WWC2: variants seen among roughly 807,000 people sequenced by gnomAD.
The protein encoded by WWC2 is protein WWC2.
WWC2 carries 101 observed loss-of-function variants against 138.5 expected under a neutral mutation model. The observed-to-expected ratio is 0.73, with a 90% CI of 0.62 to 0.86. The LOEUF (loss-of-function observed/expected upper bound fraction) is 0.86. WWC2 is among the 40% of genes least tolerant of loss of function. The pLI is 0.00. For synonymous variants in WWC2, 558 were observed against 538.4 expected (o/e 1.04, Z -0.50); for missense variants, 1,420 against 1,419.4 (o/e 1.00, Z -0.01).
In WWC2 at chr4:183,116,573, C is replaced by T. The variant is rs1033455529; in HGVS notation, c.131+16951C>T. Reference sequence around the variant, plus strand: ...AACAAGATACTGCCTTCGATTCCTGCTAGGAAAGGCCTTTGGCCGCCTCCC... The same window carrying T: ...AACAAGATACTGCCTTCGATTCCTGTTAGGAAAGGCCTTTGGCCGCCTCCC... On this transcript the variant is annotated intron_variant, in intron 1 of 22. Coordinates refer to ENST00000403733, the MANE Select transcript of WWC2 (RefSeq NM_024949.6). Among the ~76,000 whole-genome samples the T allele has an allele frequency of 2.0e-4, 30 of 152,214 alleles. 1 individual carries two copies. The highest frequency in any genetic ancestry group is 8.5e-4 in the Admixed American group (13 of 15,284).
intron 1 of WWC2, among the ~76,000 whole-genome samples, chr4:183,164,891 CT>C (rs2111150737): frequency 6.6e-6 from 1 of 152,242 alleles, no homozygotes; most frequent in South Asian, 2.1e-4. Flanking sequence ...CAATGGTATA[CT>C]GTAGAAAAGG....
At chr4:183,117,960 T>C (rs1051954170) in intron 1 of WWC2, among the ~76,000 whole-genome samples, 4 of 140,018 alleles carry the variant, frequency 2.9e-5, no homozygotes, top group Non-Finnish European at 6.4e-5. Flanking sequence ...GCCACCATGC[T>C]CGGCTAATTT....
At chr4:183,299,538 A>G (rs1450964739) in intron 21 of WWC2, among the ~76,000 whole-genome samples, 3 of 152,148 alleles carry the variant, frequency 2.0e-5, no homozygotes, top group Admixed American at 6.5e-5. Context: ...TACTTTTCTC[A>G]CCAGTGAAAT....
intron 6 of WWC2, among the ~76,000 whole-genome samples, chr4:183,247,985 T>C (rs1156233084): frequency 6.6e-6 from 1 of 151,878 alleles, no homozygotes; most frequent in Admixed American, 6.6e-5. Context: ...CTTTTTATTG[T>C]TTTAAGTAAT....
chr4:183,320,313 A>C lies in WWC2; in HGVS notation c.*4584A>C. On this transcript the variant is annotated 3_prime_UTR_variant, in exon 23 of 23. Coordinates refer to ENST00000403733, the MANE Select transcript of WWC2 (RefSeq NM_024949.6). ...TTGTGTTATAACTTATGAAACTCAG[A>C]AATATTTCTTCATTGTGTATATAGG... 1.7e-6 allele frequency: 2 copies of C among 1,163,670 alleles called. No individual in the cohort carries two copies. Among genetic ancestry groups the C allele is most frequent in the Non-Finnish European group, 2.5e-6 (2 of 814,456 alleles). The allele number at this position is 1,163,670 out of a possible 1,614,324, so 72.1% of individuals were successfully genotyped here.
At chr4:183,232,670 CAG>C (rs1340773209) in intron 4 of WWC2, among the ~76,000 whole-genome samples, 1 of 149,810 alleles carries the variant, frequency 6.7e-6, no homozygotes, top group Non-Finnish European at 1.5e-5. Flanking sequence ...TTTTTTGAGA[CAG>C]AGTTTCTCTC....
intron 16 of WWC2, among the ~76,000 whole-genome samples, chr4:183,272,055 C>T (rs1231308886): frequency 2.6e-5 from 4 of 152,140 alleles, no homozygotes; most frequent in Non-Finnish European, 4.4e-5. Context: ...CAATGTAGTA[C>T]TTCAAAAAAT....
intron 8 of WWC2, among the ~76,000 whole-genome samples, chr4:183,250,816 A>G (rs189144400): frequency 2.3e-3 from 343 of 152,310 alleles, no homozygotes; most frequent in Middle Eastern, 6.8e-3. Flanking sequence ...GGAATTTATC[A>G]TGTTTCTCCC....
chr4:183,290,325 G>A (rs60761033), intron 21 of WWC2, among the ~76,000 whole-genome samples: 12,988 of 152,014 alleles, frequency 0.085, 720 homozygotes, highest in South Asian at 0.17. Flanking sequence ...GACCAGCCTG[G>A]CCAAGATGCT....
chr4:183,149,349 G>A (rs915098737), intron 1 of WWC2, among the ~76,000 whole-genome samples: 11 of 152,206 alleles, frequency 7.2e-5, no homozygotes, highest in East Asian at 3.9e-4. Flanking sequence ...TTGGCCGGGC[G>A]CGGTGGCTCA....
chr4:183,137,138 A>T (rs914769305), intron 1 of WWC2, among the ~76,000 whole-genome samples: 1 of 152,172 alleles, frequency 6.6e-6, no homozygotes, highest in Non-Finnish European at 1.5e-5. Context: ...ATTACTGTAC[A>T]CTACTGTACC....
intron 1 of WWC2, among the ~76,000 whole-genome samples, chr4:183,176,282 C>A (rs1200895071): frequency 6.6e-6 from 1 of 152,080 alleles, no homozygotes; most frequent in Non-Finnish European, 1.5e-5. Context: ...ATGTTAGTAC[C>A]ATTCTTTAGG....
intron 3 of WWC2, 106 bp downstream of exon 3, chr4:183,208,262 C>A: frequency 3.3e-6 from 4 of 1,213,910 alleles, no homozygotes; most frequent in Non-Finnish European, 4.6e-6. Flanking sequence ...CTTTTCCCTC[C>A]TAAGCAGGAA....
chr4:183,159,487 C>G (rs1733897174), intron 1 of WWC2, among the ~76,000 whole-genome samples: 1 of 152,118 alleles, frequency 6.6e-6, no homozygotes, highest in Non-Finnish European at 1.5e-5. Flanking sequence ...TCACTGCAGA[C>G]TCGACTTCCC....
chr4:183,198,012 T>C (rs983134223), intron 2 of WWC2, among the ~76,000 whole-genome samples: 1 of 152,184 alleles, frequency 6.6e-6, no homozygotes, highest in Non-Finnish European at 1.5e-5. Flanking sequence ...GTTTTGGGAA[T>C]AGATTCTTTC....
intron 21 of WWC2, among the ~76,000 whole-genome samples, chr4:183,302,331 C>T (rs1399795311): frequency 6.6e-6 from 1 of 152,162 alleles, no homozygotes; most frequent in East Asian, 1.9e-4. Flanking sequence ...TGACAAGGTC[C>T]TTAATTGCCC....
At chr4:183,174,175 C>G (rs1372754920) in intron 1 of WWC2, among the ~76,000 whole-genome samples, 2 of 152,190 alleles carry the variant, frequency 1.3e-5, no homozygotes, top group African/African-American at 4.8e-5. Context: ...GTACTCCTTT[C>G]AGCAGTCCGA....
At chr4:183,183,974 G>A (rs942060811) in intron 1 of WWC2, among the ~76,000 whole-genome samples, 1 of 151,962 alleles carries the variant, frequency 6.6e-6, no homozygotes, top group African/African-American at 2.4e-5. Context: ...TACTCCTTTT[G>A]AAAACCAACT....
intron 21 of WWC2, among the ~76,000 whole-genome samples, chr4:183,307,469 T>C (rs760368688): frequency 6.6e-6 from 1 of 152,166 alleles, no homozygotes; most frequent in African/African-American, 2.4e-5. Context: ...ATTATCCTAA[T>C]AGCAAAACCA....
Sources: allele counts gnomAD v4.1 joint callset (sites outside exome capture counted in the v4.1 genomes callset), GRCh38; gene constraint gnomAD v4.1.1; transcripts MANE v1.5; gene names NCBI Gene and HGNC (gene_info 2026-07-23, HGNC 2026-07-21).